CDH18: variants seen among roughly 807,000 people sequenced by gnomAD.
CDH18 encodes cadherin 18, also known as cadherin-18.
In CDH18, 31 loss-of-function variants were observed where a neutral mutation model predicts 67.9. The observed-to-expected ratio is 0.46, with a 90% CI of 0.34 to 0.62. CDH18 has a LOEUF of 0.62. Among genes scored for constraint, CDH18 ranks in the 20% least tolerant of loss-of-function variants. The probability of loss-of-function intolerance (pLI) is 0.01; values close to 1 mark genes in which losing one functional copy is unlikely to be tolerated. For synonymous variants in CDH18, 362 were observed against 347.2 expected (o/e 1.04, Z -0.48); for missense variants, 890 against 975.5 (o/e 0.91, Z 1.17).
chr5:19,480,527 G>A (rs1739244704), intron 12 of CDH18, among the ~76,000 whole-genome samples: 2 of 151,474 alleles, frequency 1.3e-5, no homozygotes, highest in African/African-American at 2.4e-5. Flanking sequence ...ACAGGCGCCC[G>A]CCACCAAGCC....
intron 2 of CDH18, among the ~76,000 whole-genome samples, chr5:20,116,584 T>C (rs1747931082): frequency 6.6e-6 from 1 of 152,150 alleles, no homozygotes; most frequent in African/African-American, 2.4e-5. Context: ...GGAATATATT[T>C]TAAGTGTTGT....
chr5:20,033,523 A>C (rs1237261347), intron 2 of CDH18, among the ~76,000 whole-genome samples: 1 of 152,100 alleles, frequency 6.6e-6, no homozygotes, highest in East Asian at 1.9e-4. Context: ...TGTGACTCAA[A>C]AACATAAGAT....
chr5:20,337,134 T>C (rs1315204353), intron 1 of CDH18, among the ~76,000 whole-genome samples: 2 of 152,240 alleles, frequency 1.3e-5, no homozygotes, highest in African/African-American at 4.8e-5. Flanking sequence ...TTTTGCTTAA[T>C]CAATTCTACG....
At chr5:19,909,738 T>G (rs893963383) in intron 2 of CDH18, among the ~76,000 whole-genome samples, 1 of 152,166 alleles carries the variant, frequency 6.6e-6, no homozygotes, top group Non-Finnish European at 1.5e-5. Flanking sequence ...AAATCATTAT[T>G]CTTATTTCGG....
chr5:19,996,998 A>G (rs1363203112), intron 2 of CDH18, among the ~76,000 whole-genome samples: 1 of 152,052 alleles, frequency 6.6e-6, no homozygotes, highest in Non-Finnish European at 1.5e-5. Flanking sequence ...AAGCTAAGAA[A>G]CTAGAAAGAA....
chr5:19,608,529 A>C (rs1222496919), intron 6 of CDH18, among the ~76,000 whole-genome samples: 2 of 151,710 alleles, frequency 1.3e-5, no homozygotes, highest in Non-Finnish European at 3.0e-5. Flanking sequence ...AATCAATGCC[A>C]ATATCTTCAG....
rs184756142 is a variant in CDH18 at position 20,504,185 on chromosome 5, G to A, written c.-580+71277C>T. The stretch of plus-strand genomic sequence containing the variant: ...ATTATTTTATTTAAGATACTAGTGA[G>A]ACGCTAAGTCTAAGGATTAGGTCAT... On this transcript the variant is annotated intron_variant, in intron 1 of 14. Coordinates refer to the CDH18 transcript ENST00000507958. Among the ~76,000 whole-genome samples, 464 of 152,250 alleles carry A rather than the reference G, an allele frequency of 3.0e-3. 1 individual carries two copies. Among genetic ancestry groups the A allele is most frequent in the African/African-American group, 0.011 (446 of 41,556 alleles).
intron 2 of CDH18, among the ~76,000 whole-genome samples, chr5:20,130,024 G>T (rs1294585166): frequency 6.6e-6 from 1 of 150,546 alleles, no homozygotes; most frequent in African/African-American, 2.4e-5. Flanking sequence ...AGTCTTGGTG[G>T]AAAGTACCTA....
chr5:20,542,557 T>C (rs79023433), intron 1 of CDH18, among the ~76,000 whole-genome samples: 2,695 of 151,852 alleles, frequency 0.018, 80 homozygotes, highest in African/African-American at 0.06. Flanking sequence ...TATATACATA[T>C]ATATACACAC....
chr5:20,423,214 TTGAA>T (rs2150161969), intron 1 of CDH18, among the ~76,000 whole-genome samples: 1 of 151,426 alleles, frequency 6.6e-6, no homozygotes, highest in East Asian at 1.9e-4. Context: ...AGGCAGGAGA[TTGAA>T]TGAGCCTTTA....
Position 20,188,465 on chromosome 5 carries a change from T to C in CDH18, c.-518+66979A>G, listed in dbSNP as rs559839227. On this transcript the variant is annotated intron_variant, in intron 2 of 14. Transcript: ENST00000507958. ...ACCATTTTCATCATCAGCAGCATCA[T>C]TATTATAATTGTTGTCATCATCATC... Among the ~76,000 whole-genome samples, 103 of 152,148 alleles carry C rather than the reference T, an allele frequency of 6.8e-4. 1 individual carries two copies. Among genetic ancestry groups the C allele is most frequent in the African/African-American group, 2.3e-3 (96 of 41,560 alleles).
intron 2 of CDH18, among the ~76,000 whole-genome samples, chr5:20,198,162 T>TAATG (rs1739139589): frequency 6.6e-6 from 1 of 152,130 alleles, no homozygotes; most frequent in Admixed American, 6.5e-5. Flanking sequence ...TGTTACTGAG[T>TAATG]AATGGGGCAC....
At chr5:20,305,672 A>G in intron 1 of CDH18, 1 of 484,466 alleles carries the variant, frequency 2.1e-6, no homozygotes, top group South Asian at 2.1e-5. Context: ...GGTAGGGGAG[A>G]TCCTCACGCT....
intron 5 of CDH18, among the ~76,000 whole-genome samples, chr5:19,661,269 C>A (rs1347454649): frequency 1.3e-5 from 2 of 151,776 alleles, no homozygotes; most frequent in East Asian, 3.9e-4. Context: ...TATAATAAGA[C>A]TGGAGTTTTT....
chr5:19,815,131 T>C (rs560355519), intron 3 of CDH18, among the ~76,000 whole-genome samples: 1 of 152,138 alleles, frequency 6.6e-6, no homozygotes, highest in Admixed American at 6.5e-5. Flanking sequence ...GAATATAATA[T>C]ACTCAAATAA....
chr5:20,420,145 G>T (rs1271493156), intron 1 of CDH18, among the ~76,000 whole-genome samples: 1 of 151,000 alleles, frequency 6.6e-6, no homozygotes, highest in Non-Finnish European at 1.5e-5. Flanking sequence ...CAGAACAGTG[G>T]TAAGACGCGA....
rs527911812 is a variant in CDH18, at chr5:20,552,023, A to G, written c.-580+23439T>C. ...ATATAAAATTATAGTTGGAGAAGAA[A>G]GAAGTAAACAAATTGAGTTTGAGTG... On this transcript the variant is annotated intron_variant, in intron 1 of 14. Transcript: ENST00000507958. Among the ~76,000 whole-genome samples, 8 of 152,306 alleles carry G rather than the reference A, an allele frequency of 5.3e-5. No individual in the cohort carries two copies. The South Asian group carries it at 1.7e-3, about 32-fold the overall frequency.
chr5:20,469,232 T>C (rs1033570648), intron 1 of CDH18, among the ~76,000 whole-genome samples: 3 of 152,146 alleles, frequency 2.0e-5, no homozygotes, highest in Non-Finnish European at 4.4e-5. Context: ...TCCATAAATA[T>C]CACAAGTCAT....
chr5:20,445,097 C>A (rs759194018), intron 1 of CDH18, among the ~76,000 whole-genome samples: 41 of 152,106 alleles, frequency 2.7e-4, no homozygotes, highest in Admixed American at 7.9e-4. Context: ...GTAGCATTTT[C>A]TTCATTCACA....
Sources: gnomAD v4.1 joint callset for allele counts (sites outside exome capture counted in the v4.1 genomes callset) on GRCh38, gnomAD v4.1.1 for gene constraint, MANE v1.5 for transcripts, NCBI Gene and HGNC (gene_info 2026-07-23, HGNC 2026-07-21) for gene names.